The following RBL1 variants were observed in gnomAD, a reference collection of about 807,000 sequenced individuals.
RBL1 encodes the protein retinoblastoma-like protein 1.
In RBL1, 82 loss-of-function variants were observed where a neutral mutation model predicts 123.0. The observed-to-expected ratio is 0.67, with a 90% CI of 0.56 to 0.80. The LOEUF is 0.80. Ranked by LOEUF, RBL1 falls within the 30% of genes least tolerant of loss-of-function variation. The pLI is 0.00. For missense variants in RBL1, 1,171 were observed against 1,299.6 expected (o/e 0.90, Z 1.52); for synonymous variants, 405 against 441.3 (o/e 0.92, Z 1.03).
intron 21 of RBL1, 38 bp downstream of exon 21, chr20:37,003,664 G>C (rs1475241615): frequency 6.5e-7 from 1 of 1,541,214 alleles, no homozygotes; most frequent in South Asian, 1.3e-5. Flanking sequence ...GTTACTGACT[G>C]TTAATCTGAA....
At chr20:37,043,993 G>A in intron 13 of RBL1, 93 bp downstream of exon 13, 2 of 1,027,312 alleles carry the variant, frequency 1.9e-6, no homozygotes, top group South Asian at 4.2e-5. Flanking sequence ...CTTAAAATGG[G>A]TGAACTCTAT....
At chr20:37,006,917 A>ATGTATACGGAATT (rs1190100797) in intron 20 of RBL1, among the ~76,000 whole-genome samples, 4 of 151,882 alleles carry the variant, frequency 2.6e-5, no homozygotes, top group African/African-American at 9.7e-5. Flanking sequence ...TCTTACCCAT[A>ATGTATACGGAATT]TGTATACGGA....
chr20:37,027,003 AAAAAAACAAC>A (rs1448335241), intron 16 of RBL1, among the ~76,000 whole-genome samples: 14 of 150,592 alleles, frequency 9.3e-5, no homozygotes, highest in African/African-American at 2.0e-4. Context: ...TCCATCTTAA[AAAAAAACAAC>A]AAAAAAAAAC....
chr20:37,012,295 G>A (rs545236394), intron 19 of RBL1, among the ~76,000 whole-genome samples: 7 of 152,186 alleles, frequency 4.6e-5, no homozygotes, highest in Admixed American at 1.3e-4. Flanking sequence ...CCCCGTCTGG[G>A]AAGTGAGGAG....
chr20:37,061,087 A>AG lies in RBL1; in HGVS notation c.1250+15_1250+16insC. The AG allele has an allele frequency of 6.7e-7, 1 of 1,503,678 alleles. No homozygotes were observed. The highest frequency in any genetic ancestry group is 8.9e-7 in the Non-Finnish European group (1 of 1,120,192). The allele number at this position is 1,503,678 out of a possible 1,614,324, so 93.1% of individuals were successfully genotyped here. On this transcript the variant is annotated intron_variant, in intron 9 of 21. Transcript: ENST00000373664. ...TTTTAAAAAGACATTTGGAAAAATAACAGTATTGTACATACTCAAAAATAT... is the reference window on the plus strand; with the variant it reads ...TTTTAAAAAGACATTTGGAAAAATAAGCAGTATTGTACATACTCAAAAATAT...
chr20:37,039,347 T>G (rs1000755342), intron 14 of RBL1, among the ~76,000 whole-genome samples: 1 of 152,178 alleles, frequency 6.6e-6, no homozygotes, highest in Non-Finnish European at 1.5e-5. Flanking sequence ...GGTATTTAGC[T>G]TAGTGATATG....
At chr20:37,049,319 G>C in intron 11 of RBL1, 1 of 651,676 alleles carries the variant, frequency 1.5e-6, no homozygotes, top group East Asian at 2.6e-5. Context: ...CCTCGGATAC[G>C]ACAGAAAATG....
intron 16 of RBL1, among the ~76,000 whole-genome samples, chr20:37,030,449 G>A (rs1196895542): frequency 6.6e-6 from 1 of 152,212 alleles, no homozygotes; most frequent in East Asian, 1.9e-4. Context: ...GCTGGGCGTG[G>A]TGGCTCACGG....
At chr20:37,033,262 T>A (rs1323641881) in intron 15 of RBL1, among the ~76,000 whole-genome samples, 1 of 151,380 alleles carries the variant, frequency 6.6e-6, no homozygotes, top group East Asian at 1.9e-4. Flanking sequence ...CTCGGCTCAC[T>A]GCAACCTCTG....
At chr20:37,046,432 T>A (rs898946725) in intron 12 of RBL1, among the ~76,000 whole-genome samples, 4 of 151,904 alleles carry the variant, frequency 2.6e-5, no homozygotes, top group East Asian at 1.9e-4. Flanking sequence ...AGGGTCTTGC[T>A]TAGGTGCCCA....
intron 1 of RBL1, among the ~76,000 whole-genome samples, chr20:37,090,041 C>T (rs2065622771): frequency 6.6e-6 from 1 of 152,154 alleles, no homozygotes; most frequent in Non-Finnish European, 1.5e-5. Context: ...AACACAGGGA[C>T]ACTCTGTCAC....
At chr20:37,070,231 C>A (rs1005894301) in intron 2 of RBL1, among the ~76,000 whole-genome samples, 1 of 152,088 alleles carries the variant, frequency 6.6e-6, no homozygotes, top group African/African-American at 2.4e-5. Flanking sequence ...GGATTAAGGG[C>A]GGTGCAAGAT....
chr20:37,018,157 C>T, intron 19 of RBL1, 122 bp downstream of exon 19: 1 of 1,129,878 alleles, frequency 8.9e-7, no homozygotes. Context: ...GTTTTCAAAA[C>T]ATATGCATTG....
intron 2 of RBL1, among the ~76,000 whole-genome samples, chr20:37,085,514 C>T (rs917699696): frequency 3.9e-5 from 6 of 152,076 alleles, no homozygotes; most frequent in African/African-American, 7.2e-5. Context: ...CGTGTGTGTG[C>T]GTGGTAAAAC....
chr20:37,005,894 C>CTTTTTTTTTTTTTTTTTTTTTTTTTTT (rs1013303071), intron 20 of RBL1, among the ~76,000 whole-genome samples: 6 of 98,128 alleles, frequency 6.1e-5, no homozygotes, highest in Non-Finnish European at 9.3e-5. Flanking sequence ...TTTTTTCTTT[C>CTTTTTTTTTTTTTTTTTTTTTTTTTTT]TTTTTTTTTT....
At chr20:37,065,600 T>C (rs2065165956) in intron 6 of RBL1, 127 bp from the exon 7 acceptor site, 1 of 613,586 alleles carries the variant, frequency 1.6e-6, no homozygotes, top group African/African-American at 1.9e-5. Context: ...TAAATATTTC[T>C]TTCAGACTAG....
Position 37,045,522 on chromosome 20 carries a change from G to C in RBL1, c.1606-1272C>G, listed in dbSNP as rs150542807. Among the ~76,000 whole-genome samples the C allele has an allele frequency of 6.6e-5, 10 of 152,184 alleles. No individual in the cohort carries two copies. The East Asian group carries it at 1.6e-3, about 24-fold the overall frequency. On this transcript the variant is annotated intron_variant, in intron 12 of 21. Coordinates refer to ENST00000373664, the MANE Select transcript of RBL1 (RefSeq NM_002895.5). ...AATCCCAGCACTTTAGGAGGCCACA[G>C]TGAGAGGATTGCTTGAGACCAGGAG...
intron 19 of RBL1, among the ~76,000 whole-genome samples, chr20:37,017,620 T>TGTGTGTG (rs1600471145): frequency 7.2e-6 from 1 of 139,720 alleles, no homozygotes; most frequent in Non-Finnish European, 1.5e-5. Flanking sequence ...GGACATTTTC[T>TGTGTGTG]TGTGTGTGTG....
intron 19 of RBL1, among the ~76,000 whole-genome samples, chr20:37,012,933 G>A (rs1433246571): frequency 6.0e-5 from 8 of 133,632 alleles, no homozygotes; most frequent in Non-Finnish European, 9.5e-5. Flanking sequence ...CAGCCCCCCC[G>A]CCAGCCAGCC....
Sources: allele counts gnomAD v4.1 joint callset (sites outside exome capture counted in the v4.1 genomes callset), GRCh38; gene constraint gnomAD v4.1.1; transcripts MANE v1.5; gene names NCBI Gene and HGNC (gene_info 2026-07-23, HGNC 2026-07-21).